Variants in PRELID2 observed in about 807,000 individuals in gnomAD.
PRELID2 encodes PRELI domain-containing protein 2.
PRELID2 carries 25 observed loss-of-function variants against 28.4 expected under a neutral mutation model. That is an observed-to-expected ratio of 0.88 (90% CI 0.64 to 1.23). The LOEUF (loss-of-function observed/expected upper bound fraction) is 1.23, where lower values mean the gene tolerates loss of function less well. PRELID2 is among the 50% of genes most tolerant of loss of function. The pLI is 0.00. For missense variants in PRELID2, 201 were observed against 214.4 expected (o/e 0.94, Z 0.39); for synonymous variants, 76 against 71.6 (o/e 1.06, Z -0.31).
chr5:145,350,799 T>G, the PRELID2 span, among the ~76,000 whole-genome samples: 5 of 152,230 alleles, frequency 3.3e-5, no homozygotes, highest in South Asian at 2.1e-4. Flanking sequence ...AAAATTTGAA[T>G]ATGTGGCAGC....
At chr5:145,800,248 A>T (rs918035769) in intron 4 of PRELID2, among the ~76,000 whole-genome samples, 1 of 151,330 alleles carries the variant, frequency 6.6e-6, no homozygotes, top group African/African-American at 2.4e-5. Context: ...CAATAAAAGG[A>T]AGCCTTCAGA....
chr5:145,662,877 T>C (rs1273061591), intron 1 of PRELID2, among the ~76,000 whole-genome samples: 1 of 152,112 alleles, frequency 6.6e-6, no homozygotes, highest in Non-Finnish European at 1.5e-5. Context: ...AATTACCCAG[T>C]TTCAGGTATT....
intron 3 of PRELID2, chr5:145,819,302 T>C (rs1754591369): frequency 1.1e-6 from 1 of 949,782 alleles, no homozygotes; most frequent in Admixed American, 1.8e-5. Context: ...TTCCTCTGAC[T>C]TCCTCATAGC....
At chr5:145,745,070 A>G (rs1415825625) in intron 1 of PRELID2, among the ~76,000 whole-genome samples, 1 of 151,976 alleles carries the variant, frequency 6.6e-6, no homozygotes, top group Non-Finnish European at 1.5e-5. Context: ...AGCATACACA[A>G]GTATCAATAG....
At chr5:145,579,614 G>A (rs934730267) in intron 1 of PRELID2, among the ~76,000 whole-genome samples, 2 of 152,046 alleles carry the variant, frequency 1.3e-5, no homozygotes, top group East Asian at 3.9e-4. Context: ...GACACTGGCT[G>A]GAGTGAATCA....
At chr5:145,364,986 T>C in the PRELID2 span, among the ~76,000 whole-genome samples, 1 of 151,990 alleles carries the variant, frequency 6.6e-6, no homozygotes. Flanking sequence ...AGAAAGGATT[T>C]TTATTGACTG....
At position 145,790,721 on chromosome 5, in the gene PRELID2, G is replaced by GTGTGTGTGTA. The variant is rs772901344; in HGVS notation, c.474+5720_474+5721insTACACACACA. Among the ~76,000 whole-genome samples, 783 of 110,888 alleles carry GTGTGTGTGTA rather than the reference G, an allele frequency of 7.1e-3. 8 individuals are homozygous for GTGTGTGTGTA. The highest frequency in any genetic ancestry group is 0.015 in the African/African-American group (480 of 32,670). 72.7% of individuals were successfully genotyped at this position (110,888 alleles called of 152,430 possible). ...CCACATTGTGTGTGTGTGTGTGTGT[G>GTGTGTGTGTA]TATATATATATATATATATATATAT... On this transcript the variant is annotated intron_variant, in intron 5 of 6. Coordinates refer to ENST00000683046, the MANE Select transcript of PRELID2 (RefSeq NM_205846.3).
At chr5:145,699,797 A>C (rs1222746212) in intron 1 of PRELID2, among the ~76,000 whole-genome samples, 2 of 152,160 alleles carry the variant, frequency 1.3e-5, no homozygotes, top group Non-Finnish European at 2.9e-5. Context: ...CTGCCGCACA[A>C]ATTTCTTTTC....
chr5:145,588,215 G>A (rs1753179620), intron 1 of PRELID2, among the ~76,000 whole-genome samples: 1 of 152,070 alleles, frequency 6.6e-6, no homozygotes, highest in Non-Finnish European at 1.5e-5. Context: ...TTATGCTATA[G>A]TATATTTATC....
the PRELID2 span, among the ~76,000 whole-genome samples, chr5:145,315,064 CTTTTTTTTTTTTT>C: frequency 2.0e-5 from 2 of 100,592 alleles, no homozygotes; most frequent in African/African-American, 7.6e-5. Flanking sequence ...TACAATAATT[CTTTTTTTTTTTTT>C]TTTTTTTTTG....
intron 1 of PRELID2, among the ~76,000 whole-genome samples, chr5:145,629,849 A>G (rs904900690): frequency 6.6e-6 from 1 of 152,154 alleles, no homozygotes; most frequent in Non-Finnish European, 1.5e-5. Context: ...ACCCTTTGAA[A>G]TGAAAACCCC....
intron 1 of PRELID2, among the ~76,000 whole-genome samples, chr5:145,662,674 G>C (rs912964790): frequency 6.6e-6 from 1 of 152,036 alleles, no homozygotes; most frequent in Non-Finnish European, 1.5e-5. Flanking sequence ...GGAATTGGTG[G>C]CTTTATGAGA....
the PRELID2 span, chr5:145,229,277 T>C: frequency 4.0e-6 from 3 of 755,000 alleles, no homozygotes; most frequent in African/African-American, 3.4e-5. Context: ...CTACAACTGG[T>C]TCAAGGGCCG....
the PRELID2 span, among the ~76,000 whole-genome samples, chr5:145,418,160 A>C: frequency 6.6e-6 from 1 of 152,156 alleles, no homozygotes; most frequent in African/African-American, 2.4e-5. Flanking sequence ...AAAAAAAAAT[A>C]CCTAGGAATA....
At chr5:145,665,978 CT>C (rs199927643) in intron 1 of PRELID2, among the ~76,000 whole-genome samples, 48 of 121,218 alleles carry the variant, frequency 4.0e-4, no homozygotes, top group South Asian at 2.2e-3. Flanking sequence ...GCAAACTTGT[CT>C]TTTTTTTAAA....
At chr5:145,409,235 C>G in the PRELID2 span, among the ~76,000 whole-genome samples, 3 of 152,062 alleles carry the variant, frequency 2.0e-5, no homozygotes, top group Non-Finnish European at 4.4e-5. Flanking sequence ...AACTTTGAAA[C>G]AAACCTTAAA....
intron 5 of PRELID2, among the ~76,000 whole-genome samples, chr5:145,771,636 A>T (rs555644739): frequency 6.6e-6 from 1 of 152,070 alleles, no homozygotes; most frequent in Admixed American, 6.6e-5. Flanking sequence ...CAGGTGGATC[A>T]CCTGAGGTCA....
chr5:145,438,524 C>A, the PRELID2 span, among the ~76,000 whole-genome samples: 1 of 152,060 alleles, frequency 6.6e-6, no homozygotes, highest in Non-Finnish European at 1.5e-5. Flanking sequence ...CACTATTTTA[C>A]AGAGATGTGT....
At chr5:145,429,884 G>T in the PRELID2 span, 1 of 152,240 alleles carries the variant, frequency 6.6e-6, no homozygotes, top group Non-Finnish European at 1.5e-5. Flanking sequence ...CACCACATAT[G>T]TTAGCCTGCT....
Sources: allele counts gnomAD v4.1 joint callset (sites outside exome capture counted in the v4.1 genomes callset), GRCh38; gene constraint gnomAD v4.1.1; transcripts MANE v1.5; gene names NCBI Gene and HGNC (gene_info 2026-07-23, HGNC 2026-07-21).